The following SEC61A2 variants were observed in gnomAD, a reference collection of about 807,000 sequenced individuals.
SEC61A2 encodes protein transport protein Sec61 subunit alpha isoform 2.
In SEC61A2, 28 loss-of-function variants were observed where a neutral mutation model predicts 59.9. That is an observed-to-expected ratio of 0.47 (90% CI 0.35 to 0.64). The LOEUF (loss-of-function observed/expected upper bound fraction) is 0.64, where lower values mean the gene tolerates loss of function less well. Among genes scored for constraint, SEC61A2 ranks in the 30% least tolerant of loss-of-function variants. The pLI is 0.01. For synonymous variants in SEC61A2, 202 were observed against 214.4 expected (o/e 0.94, Z 0.50); for missense variants, 340 against 585.9 (o/e 0.58, Z 4.33).
chr10:12,167,754 G>C, downstream of SEC61A2: 1 of 1,614,134 alleles, frequency 6.2e-7, no homozygotes, highest in Non-Finnish European at 8.5e-7. Context: ...ATGTTTCAGT[G>C]CTAGAGCGTA....
downstream of SEC61A2, chr10:12,169,339 G>A (rs570855625): frequency 1.6e-5 from 24 of 1,539,064 alleles, no homozygotes; most frequent in Admixed American, 6.0e-5. The surrounding 1 kb of genome is among the most constrained non-coding windows in gnomAD (Gnocchi z 4.8). Flanking sequence ...AGATAACCCC[G>A]CACGGCATTT....
Position 12,150,113 on chromosome 10 carries a change from A to G in SEC61A2, c.462+152A>G, listed in dbSNP as rs573339466. On this transcript the variant is annotated intron_variant, in intron 6 of 11. Coordinates refer to ENST00000298428, the MANE Select transcript of SEC61A2 (RefSeq NM_018144.4). The stretch of plus-strand genomic sequence containing the variant: ...TGATCACTGAAGTGATACGTGTAAA[A>G]TTTTTTTAAAACCTTCTGTCACCGT... 3 of 599,154 alleles carry G rather than the reference A, an allele frequency of 5.0e-6. No homozygotes were observed. The South Asian group carries it at 7.8e-5, about 16-fold the overall frequency. The allele number at this position is 599,154 out of a possible 1,614,324, so 37.1% of individuals were successfully genotyped here.
At position 12,141,938 on chromosome 10, in the gene SEC61A2, G is replaced by C. The variant is rs74807639; in HGVS notation, c.142-1179G>C. Among the ~76,000 whole-genome samples the C allele has an allele frequency of 2.5e-3, 388 of 152,332 alleles. 1 individual carries two copies. Among genetic ancestry groups the C allele is most frequent in the African/African-American group, 9.0e-3 (373 of 41,562 alleles). On this transcript the variant is annotated intron_variant, in intron 3 of 11. Transcript: ENST00000298428. ...GGGAGACAAATCCAGTTTGTCAGTA[G>C]AGGGTGATTTTACAGACAGAAGCAT...
In SEC61A2 at chr10:12,162,512, C is replaced by T. The variant is rs1294024064; in HGVS notation, c.1244+223C>T. 50 of 712,764 alleles carry T rather than the reference C, an allele frequency of 7.0e-5. No homozygotes were observed. The highest frequency in any genetic ancestry group is 2.4e-4 in the Middle Eastern group (1 of 4,186). 44.2% of individuals were successfully genotyped at this position (712,764 alleles called of 1,614,324 possible). A position where few individuals can be genotyped will look rare whatever the true frequency, so the allele number is the denominator to read the frequency against. On this transcript the variant is annotated intron_variant, in intron 11 of 11. Transcript: ENST00000298428. The surrounding 1 kb of genome is among the most constrained non-coding windows in gnomAD (Gnocchi z 6.1). Reference sequence around the variant, plus strand: ...TGCTCATCCCAGTGATAAAATCTTGCAGATCAGTGCTGTTCTCAGCATTGG... The same window carrying T: ...TGCTCATCCCAGTGATAAAATCTTGTAGATCAGTGCTGTTCTCAGCATTGG...
In SEC61A2 at chr10:12,161,063, G is replaced by C. The variant is rs747030205; in HGVS notation, c.1109G>C (p.Gly370Ala). ...HVVVYIIFML[G>A]SCAFFSKTWI... The stretch of plus-strand genomic sequence containing the variant: ...GTTGTTTATATCATCTTCATGTTGG[G>C]GTCATGTGCATTCTTCTCTAAGACA... The change falls in exon 10 of 12, where the codon GGG becomes GCG. Residue 370 changes from glycine to alanine, a missense_variant. Coordinates refer to ENST00000298428, the MANE Select transcript of SEC61A2 (RefSeq NM_018144.4). The surrounding 1 kb of genome is among the most constrained non-coding windows in gnomAD (Gnocchi z 5.4). 1 of 1,613,910 alleles carries C rather than the reference G, an allele frequency of 6.2e-7. No homozygotes were observed. Among genetic ancestry groups the C allele is most frequent in the South Asian group, 1.1e-5 (1 of 91,034 alleles).
intron 4 of SEC61A2, among the ~76,000 whole-genome samples, chr10:12,146,521 T>G (rs1564410831): frequency 6.6e-6 from 1 of 151,982 alleles, no homozygotes; most frequent in African/African-American, 2.4e-5. Context: ...CTTTTTTTTT[T>G]GTTTTATTTT....
rs936847818 is a variant in SEC61A2 at position 12,162,315 on chromosome 10, A to G, written c.1244+26A>G. ...GTAAGGCTGCTAGACTGACACCTTT[A>G]TAGGCCTGTGTTTGTGTTTCAGTCT... On this transcript the variant is annotated intron_variant, in intron 11 of 11. Transcript: ENST00000298428. The surrounding 1 kb of genome is among the most constrained non-coding windows in gnomAD (Gnocchi z 6.1). The G allele has an allele frequency of 2.6e-5, 40 of 1,560,108 alleles. No individual in the cohort carries two copies. The highest frequency in any genetic ancestry group is 3.4e-5 in the Non-Finnish European group (39 of 1,131,280).
At chr10:12,141,243 G>A (rs1402997507) in intron 3 of SEC61A2, among the ~76,000 whole-genome samples, 1 of 152,148 alleles carries the variant, frequency 6.6e-6, no homozygotes, top group African/African-American at 2.4e-5. Flanking sequence ...GCTGCCAGGT[G>A]CACATAAAAT....
rs1013327733 is a variant in SEC61A2, at chr10:12,152,700, C to T, written c.462+2739C>T. On this transcript the variant is annotated intron_variant, in intron 6 of 11. Coordinates refer to ENST00000298428, the MANE Select transcript of SEC61A2 (RefSeq NM_018144.4). This position sits in a 1 kb window ranked among gnomAD's most constrained non-coding sequence, Gnocchi z 5.5. ...ACGAGGTCAGGAGATCGAGACCATC[C>T]TGGCCAACATGGTGAAACGCTGTCT... Among the ~76,000 whole-genome samples the T allele has an allele frequency of 2.6e-5, 4 of 151,964 alleles. No homozygotes were observed. Among genetic ancestry groups the T allele is most frequent in the African/African-American group, 9.7e-5 (4 of 41,380 alleles).
Position 12,149,451 on chromosome 10 carries a change from G to C in SEC61A2, c.221-144G>C. 1.4e-6 allele frequency: 1 copy of C among 739,582 alleles called. No individual in the cohort carries two copies. The highest frequency in any genetic ancestry group is 2.6e-5 in the East Asian group (1 of 38,844). 45.8% of individuals were successfully genotyped at this position (739,582 alleles called of 1,614,324 possible). ...TGTTAATAAATGAGAACTTTTCTTA[G>C]CAAGTAGTGTTTAAGAAATGAAAAT... On this transcript the variant is annotated intron_variant, in intron 4 of 11. Coordinates refer to ENST00000298428, the MANE Select transcript of SEC61A2 (RefSeq NM_018144.4). This position sits in a 1 kb window ranked among gnomAD's most constrained non-coding sequence, Gnocchi z 5.2.
Position 12,158,185 on chromosome 10 carries a change from C to T in SEC61A2, c.975+80C>T, listed in dbSNP as rs998743454. 1.9e-5 allele frequency: 21 copies of T among 1,117,512 alleles called. No homozygotes were observed. Among genetic ancestry groups the T allele is most frequent in the East Asian group, 1.0e-4 (4 of 38,834 alleles). 69.2% of individuals were successfully genotyped at this position (1,117,512 alleles called of 1,614,324 possible). A position where few individuals can be genotyped will look rare whatever the true frequency, so the allele number is the denominator to read the frequency against. On this transcript the variant is annotated intron_variant, in intron 9 of 11. Transcript: ENST00000298428. The surrounding 1 kb of genome is among the most constrained non-coding windows in gnomAD (Gnocchi z 5.7). Reference sequence around the variant, plus strand: ...GGTTGTATTTTTAATGGAATGAGGTCGACATTGGAGCATTTGCTGTATTTT... The same window carrying T: ...GGTTGTATTTTTAATGGAATGAGGTTGACATTGGAGCATTTGCTGTATTTT...
At chr10:12,137,664 T>C (rs748207467) in intron 3 of SEC61A2, among the ~76,000 whole-genome samples, 3 of 152,146 alleles carry the variant, frequency 2.0e-5, no homozygotes, top group Non-Finnish European at 4.4e-5. Flanking sequence ...GAGTATAAAA[T>C]GTGGCCTGCC....
Position 12,164,714 on chromosome 10 carries a change from T to C in SEC61A2, c.*260T>C. 1 of 1,239,270 alleles carries C rather than the reference T, an allele frequency of 8.1e-7. No homozygotes were observed. The highest frequency in any genetic ancestry group is 1.0e-6 in the Non-Finnish European group (1 of 989,950). 76.8% of individuals were successfully genotyped at this position (1,239,270 alleles called of 1,614,324 possible). Reference sequence around the variant, plus strand: ...AATGCTGGAAACCAGTGTATCTACCTTGCTGTGTTAAATCATGACAGTGAG... The same window carrying C: ...AATGCTGGAAACCAGTGTATCTACCCTGCTGTGTTAAATCATGACAGTGAG... On this transcript the variant is annotated 3_prime_UTR_variant, in exon 12 of 12. Coordinates refer to ENST00000298428, the MANE Select transcript of SEC61A2 (RefSeq NM_018144.4). This position sits in a 1 kb window ranked among gnomAD's most constrained non-coding sequence, Gnocchi z 7.3.
chr10:12,169,213 C>A, downstream of SEC61A2: 1 of 1,353,714 alleles, frequency 7.4e-7, no homozygotes. This position sits in a 1 kb window ranked among gnomAD's most constrained non-coding sequence, Gnocchi z 4.8. Context: ...GTAGCCCTCT[C>A]TCCACCTCCC....
intron 2 of SEC61A2, among the ~76,000 whole-genome samples, chr10:12,134,130 C>A (rs1337360752): frequency 6.6e-6 from 1 of 152,218 alleles, no homozygotes; most frequent in East Asian, 1.9e-4. Context: ...CCTCAGCCTC[C>A]CGAGTAGCTG....
chr10:12,143,040 C>T lies in SEC61A2; in HGVS notation c.142-77C>T. 1 of 1,102,372 alleles carries T rather than the reference C, an allele frequency of 9.1e-7. No individual in the cohort carries two copies. Among genetic ancestry groups the T allele is most frequent in the Non-Finnish European group, 1.4e-6 (1 of 719,800 alleles). 68.3% of individuals were successfully genotyped at this position (1,102,372 alleles called of 1,614,324 possible). On this transcript the variant is annotated intron_variant, in intron 3 of 11. Transcript: ENST00000298428. This position sits in a 1 kb window ranked among gnomAD's most constrained non-coding sequence, Gnocchi z 4.8. ...TGATCTCAGCTCACTGCAGCCTTTG[C>T]CTCCTGGGTTCAAGCGATTCTTATG...
intron 8 of SEC61A2, 83 bp from the exon 9 acceptor site, chr10:12,157,825 C>CTT: frequency 7.6e-7 from 1 of 1,317,802 alleles, no homozygotes; most frequent in Non-Finnish European, 1.1e-6. Flanking sequence ...ATCCCCCGCA[C>CTT]TGTTCTTTGT....
Position 12,165,055 on chromosome 10 carries a change from C to CTCCTCT in SEC61A2, c.*613_*618dup. 4.1e-6 allele frequency: 4 copies of CTCCTCT among 987,604 alleles called. No individual in the cohort carries two copies. Among genetic ancestry groups the CTCCTCT allele is most frequent in the Non-Finnish European group, 3.6e-6 (3 of 830,832 alleles). The allele number at this position is 987,604 out of a possible 1,614,324, so 61.2% of individuals were successfully genotyped here. A position where few individuals can be genotyped will look rare whatever the true frequency, so the allele number is the denominator to read the frequency against. ...CTTCTAAGGCCTCCTCCTTCTCCTC[C>CTCCTCT]TCCTCTTCCTCTTCCTCCTTTTCCT... On this transcript the variant is annotated 3_prime_UTR_variant, in exon 12 of 12. Transcript: ENST00000298428.
chr10:12,141,289 G>C (rs1003504497), intron 3 of SEC61A2, among the ~76,000 whole-genome samples: 1 of 152,194 alleles, frequency 6.6e-6, no homozygotes, highest in African/African-American at 2.4e-5. Flanking sequence ...TTATTACCCA[G>C]CTGATAAATT....
Sources: allele counts gnomAD v4.1 joint callset (sites outside exome capture counted in the v4.1 genomes callset), GRCh38; gene constraint gnomAD v4.1.1; non-coding constraint Gnocchi (gnomAD v3.1); transcripts MANE v1.5; gene names NCBI Gene and HGNC (gene_info 2026-07-23, HGNC 2026-07-21).